TNS1: variants seen among roughly 807,000 people sequenced by gnomAD.
TNS1 encodes the protein tensin-1.
In TNS1, 62 loss-of-function variants were observed where a neutral mutation model predicts 168.6. The observed-to-expected ratio is 0.37, with a 90% confidence interval of 0.30 to 0.45. The LOEUF is 0.45. Among genes scored for constraint, TNS1 ranks in the 20% least tolerant of loss-of-function variants. TNS1 has a pLI of 1.00. For missense variants in TNS1, 2,240 were observed against 2,339.4 expected, an observed-to-expected ratio of 0.96 and a Z score of 0.88; for synonymous variants, 934 against 933.2, an observed-to-expected ratio of 1.00 and a Z score of -0.02.
chr2:217,857,129 C>T (rs1019094476), intron 18 of TNS1, among the ~76,000 whole-genome samples: 6 of 152,194 alleles, frequency 3.9e-5, no homozygotes, highest in Non-Finnish European at 7.3e-5. Context: ...AAAAATAGAG[C>T]CCCTCCCACC....
chr2:217,979,096 C>T (rs1253463126), intron 2 of TNS1, among the ~76,000 whole-genome samples: 2 of 152,120 alleles, frequency 1.3e-5, no homozygotes, highest in Non-Finnish European at 2.9e-5. Context: ...GGGTCCCCCA[C>T]TGGACCCCTG....
At chr2:217,970,031 T>C (rs533427825) in intron 3 of TNS1, among the ~76,000 whole-genome samples, 2 of 151,192 alleles carry the variant, frequency 1.3e-5, no homozygotes, top group African/African-American at 2.4e-5. Context: ...CAGAGACACA[T>C]AGACACAGAA....
chr2:217,951,452 G>A (rs530901152), intron 3 of TNS1, among the ~76,000 whole-genome samples: 2 of 152,274 alleles, frequency 1.3e-5, no homozygotes, highest in East Asian at 3.9e-4. Context: ...GCACCCCATT[G>A]GGTATTGACC....
chr2:217,848,309 A>G lies in TNS1; in HGVS notation c.2208T>C (p.His736=), dbSNP rs1946965920. 6.5e-7 allele frequency: 1 copy of G among 1,538,908 alleles called. No individual in the cohort carries two copies. The change falls in exon 19 of 33, where the codon CAT becomes CAC. Residue 736 remains histidine, a synonymous_variant. Coordinates refer to ENST00000682258, the MANE Select transcript of TNS1 (RefSeq NM_001387777.1). The stretch of plus-strand genomic sequence containing the variant: ...GAGAGCGGAACATACCGCTGGGGTC[A>G]TGGGCATAGTGGGAGGTGGTCACTG... ...PQPVTTSHYA[H]DPSGMFRSQS...
intron 6 of TNS1, chr2:217,903,481 A>T (rs1178133526): frequency 4.2e-5 from 55 of 1,314,762 alleles, no homozygotes; most frequent in Non-Finnish European, 5.3e-5. Flanking sequence ...CTCTCCGGGG[A>T]TCACAAATCA....
chr2:217,933,931 T>G (rs753424284), intron 3 of TNS1, among the ~76,000 whole-genome samples: 21 of 152,152 alleles, frequency 1.4e-4, no homozygotes, highest in Non-Finnish European at 2.6e-4. Context: ...ACAGAGGTGG[T>G]GAGGAAGGGC....
At chr2:217,837,860 G>A (rs1945380160) in intron 19 of TNS1, among the ~76,000 whole-genome samples, 1 of 152,256 alleles carries the variant, frequency 6.6e-6, no homozygotes, top group Non-Finnish European at 1.5e-5. Context: ...GAAGGGCGTG[G>A]TTTTGGGAAG....
chr2:217,913,925 A>C (rs1376688421), intron 4 of TNS1, among the ~76,000 whole-genome samples: 1 of 152,018 alleles, frequency 6.6e-6, no homozygotes, highest in East Asian at 1.9e-4. Context: ...TGGTGATACA[A>C]GATTGCCTGG....
Position 217,813,079 on chromosome 2 carries a change from T to C in TNS1, c.4954+136A>G. ...CGGAGGGAGAGAAGCTTTCATTCAT[T>C]TTCTCTGCTGAATTTATGACAAGGG... On this transcript the variant is annotated intron_variant, in intron 27 of 32. Transcript: ENST00000682258. This position sits in a 1 kb window ranked among gnomAD's most constrained non-coding sequence, Gnocchi z 4.0. The C allele has an allele frequency of 3.0e-6, 2 of 662,528 alleles. No individual in the cohort carries two copies. The highest frequency in any genetic ancestry group is 3.6e-5 in the African/African-American group (2 of 55,276). 41.0% of individuals were successfully genotyped at this position (662,528 alleles called of 1,614,324 possible). A position where few individuals can be genotyped will look rare whatever the true frequency, so the allele number is the denominator to read the frequency against.
At chr2:217,973,830 T>A (rs1222361143) in intron 3 of TNS1, among the ~76,000 whole-genome samples, 1 of 151,664 alleles carries the variant, frequency 6.6e-6, no homozygotes, top group Non-Finnish European at 1.5e-5. Flanking sequence ...CAGAGGTGAC[T>A]AAGGGTTCAT....
chr2:217,958,055 G>A (rs934747295), intron 3 of TNS1, among the ~76,000 whole-genome samples: 1 of 149,324 alleles, frequency 6.7e-6, no homozygotes, highest in Non-Finnish European at 1.5e-5. Flanking sequence ...CTGATTCCAA[G>A]TTTCCTAAAG....
At chr2:217,902,816 C>T (rs574921338) in intron 6 of TNS1, among the ~76,000 whole-genome samples, 148 of 152,312 alleles carry the variant, frequency 9.7e-4, no homozygotes, top group Non-Finnish European at 1.9e-3. Flanking sequence ...CTGTCATCCC[C>T]TGATGAATCA....
intron 22 of TNS1, among the ~76,000 whole-genome samples, chr2:217,825,863 C>A (rs1377061113): frequency 2.0e-5 from 3 of 152,220 alleles, no homozygotes; most frequent in Non-Finnish European, 4.4e-5. Flanking sequence ...CCATTGGCCC[C>A]TTCAGCTCCT....
chr2:217,821,980 C>G, intron 22 of TNS1, 42 bp from the exon 23 acceptor site: 1 of 1,538,754 alleles, frequency 6.5e-7, no homozygotes, highest in Non-Finnish European at 8.8e-7. Context: ...CACAGATGCA[C>G]AGGGGTGCAG....
chr2:217,974,014 T>G (rs2126035386), intron 3 of TNS1, among the ~76,000 whole-genome samples: 2 of 152,282 alleles, frequency 1.3e-5, no homozygotes, highest in South Asian at 4.1e-4. Context: ...TAATGCTGAG[T>G]GAAATACGCC....
intron 3 of TNS1, among the ~76,000 whole-genome samples, chr2:217,931,365 G>T (rs1319202683): frequency 1.3e-5 from 2 of 152,182 alleles, no homozygotes; most frequent in Non-Finnish European, 2.9e-5. Context: ...GGCAGGAAGG[G>T]TGCATGGGAA....
At chr2:217,845,682 G>C (rs911944393) in intron 19 of TNS1, among the ~76,000 whole-genome samples, 11 of 152,192 alleles carry the variant, frequency 7.2e-5, no homozygotes, top group South Asian at 2.1e-4. Context: ...AGCCTGAGAG[G>C]CTACAGAATA....
intron 11 of TNS1, among the ~76,000 whole-genome samples, chr2:217,891,608 G>C (rs926722830): frequency 2.0e-5 from 3 of 152,154 alleles, no homozygotes; most frequent in Non-Finnish European, 4.4e-5. Context: ...CATCCTCACA[G>C]AGCACTCAGA....
intron 19 of TNS1, chr2:217,841,119 A>T (rs1214103714): frequency 1.7e-6 from 1 of 601,164 alleles, no homozygotes; most frequent in African/African-American, 2.0e-5. Context: ...ATAGCACATG[A>T]AGAAGGAGTG....
Sources: allele counts gnomAD v4.1 joint callset (sites outside exome capture counted in the v4.1 genomes callset), GRCh38; gene constraint gnomAD v4.1.1; non-coding constraint Gnocchi (gnomAD v3.1); transcripts MANE v1.5; gene names NCBI Gene and HGNC (gene_info 2026-07-23, HGNC 2026-07-21).